AGBL4: variants seen among roughly 807,000 people sequenced by gnomAD.
The protein encoded by AGBL4 is cytosolic carboxypeptidase 6.
In AGBL4, 58 loss-of-function variants were observed where a neutral mutation model predicts 66.4. The observed-to-expected ratio is 0.87, with a 90% confidence interval of 0.71 to 1.09. The LOEUF (loss-of-function observed/expected upper bound fraction) is 1.09. Among genes scored for constraint, AGBL4 ranks in the 50% least tolerant of loss-of-function variants. The pLI, the probability that AGBL4 is intolerant of heterozygous loss-of-function variation, is 0.00. For synonymous variants in AGBL4, 234 were observed against 222.9 expected (o/e 1.05, Z -0.44); for missense variants, 579 against 631.0 (o/e 0.92, Z 0.88).
At chr1:49,904,263 C>T (rs1650052928) in intron 1 of AGBL4, among the ~76,000 whole-genome samples, 1 of 152,128 alleles carries the variant, frequency 6.6e-6, no homozygotes, top group South Asian at 2.1e-4. Flanking sequence ...GCTTATTTGG[C>T]CACCAACATC....
intron 3 of AGBL4, among the ~76,000 whole-genome samples, chr1:49,477,358 G>T (rs1646867300): frequency 6.6e-6 from 1 of 152,090 alleles, no homozygotes; most frequent in South Asian, 2.1e-4. Flanking sequence ...GATCCACGTA[G>T]CTTAGAGTGG....
intron 4 of AGBL4, among the ~76,000 whole-genome samples, chr1:49,192,599 T>C (rs1033742563): frequency 5.9e-5 from 9 of 152,220 alleles, no homozygotes; most frequent in African/African-American, 1.9e-4. Context: ...ATGCCCAGCT[T>C]ATAAGCATAT....
intron 5 of AGBL4, among the ~76,000 whole-genome samples, chr1:48,889,122 G>A (rs986153063): frequency 4.6e-5 from 7 of 152,206 alleles, no homozygotes; most frequent in African/African-American, 1.7e-4. Flanking sequence ...CAAGAAGGTA[G>A]TGCTTGGGAA....
At chr1:48,715,652 A>G (rs1484870910) in intron 6 of AGBL4, among the ~76,000 whole-genome samples, 3 of 151,930 alleles carry the variant, frequency 2.0e-5, no homozygotes, top group Non-Finnish European at 4.4e-5. Context: ...CCTCTACTCA[A>G]GAGTAATTTA....
intron 6 of AGBL4, among the ~76,000 whole-genome samples, chr1:48,683,276 G>A (rs1440949883): frequency 2.0e-5 from 3 of 152,210 alleles, no homozygotes; most frequent in Non-Finnish European, 4.4e-5. Flanking sequence ...GGCAATGTCT[G>A]AGGAACCACT....
At chr1:49,263,393 A>G (rs1183833411) in intron 3 of AGBL4, among the ~76,000 whole-genome samples, 1 of 152,120 alleles carries the variant, frequency 6.6e-6, no homozygotes, top group Admixed American at 6.6e-5. Flanking sequence ...AATCCTCACA[A>G]TGGTTTAATA....
chr1:49,271,713 C>T (rs1009005188), intron 3 of AGBL4, among the ~76,000 whole-genome samples: 3 of 152,120 alleles, frequency 2.0e-5, no homozygotes, highest in African/African-American at 7.2e-5. Flanking sequence ...TTCCTCCCTA[C>T]CCCTCCTTCT....
intron 2 of AGBL4, among the ~76,000 whole-genome samples, chr1:49,731,712 A>C (rs1356630250): frequency 6.6e-6 from 1 of 152,184 alleles, no homozygotes; most frequent in Non-Finnish European, 1.5e-5. Context: ...CATAAAGGTG[A>C]AGGGAAAAAA....
chr1:49,560,224 G>C (rs1644003807), intron 3 of AGBL4, among the ~76,000 whole-genome samples: 1 of 151,978 alleles, frequency 6.6e-6, no homozygotes, highest in Admixed American at 6.6e-5. Context: ...AGAAATCCAA[G>C]ATAACACGGA....
chr1:49,739,309 T>C (rs1014343800), intron 2 of AGBL4, among the ~76,000 whole-genome samples: 3 of 152,026 alleles, frequency 2.0e-5, no homozygotes, highest in Non-Finnish European at 2.9e-5. Context: ...GTATCAGTGA[T>C]GGAAGATCAA....
chr1:48,953,252 C>T (rs1479692601), intron 5 of AGBL4, among the ~76,000 whole-genome samples: 2 of 152,120 alleles, frequency 1.3e-5, no homozygotes, highest in Non-Finnish European at 2.9e-5. Flanking sequence ...GATGAGAAAA[C>T]CATAGTTTCT....
chr1:49,975,666 T>G (rs1167296811), intron 1 of AGBL4, among the ~76,000 whole-genome samples: 6 of 152,172 alleles, frequency 3.9e-5, no homozygotes, highest in Non-Finnish European at 7.3e-5. Context: ...AAATCGTAGC[T>G]CTAATATTTA....
intron 3 of AGBL4, among the ~76,000 whole-genome samples, chr1:49,325,729 AT>A (rs899680533): frequency 6.6e-6 from 1 of 152,214 alleles, no homozygotes; most frequent in Admixed American, 6.5e-5. Flanking sequence ...GTAATCCCCA[AT>A]GTTGCAGATG....
intron 6 of AGBL4, among the ~76,000 whole-genome samples, chr1:48,699,940 T>TTTTA (rs1646775755): frequency 6.8e-6 from 1 of 146,296 alleles, no homozygotes; most frequent in African/African-American, 2.6e-5. Context: ...TAAATATACA[T>TTTTA]TATATATATA....
At chr1:49,075,942 G>T (rs953220802) in intron 4 of AGBL4, among the ~76,000 whole-genome samples, 2 of 152,046 alleles carry the variant, frequency 1.3e-5, no homozygotes, top group African/African-American at 4.8e-5. Context: ...CTGTTGGGTA[G>T]GTACCAAGAA....
chr1:48,670,906 G>C (rs913734631), intron 6 of AGBL4, among the ~76,000 whole-genome samples: 19 of 152,242 alleles, frequency 1.2e-4, no homozygotes, highest in Non-Finnish European at 2.6e-4. Context: ...AGGCTTGTGA[G>C]AGGTACAAAT....
chr1:48,575,041 C>G (rs1008074217), intron 11 of AGBL4, among the ~76,000 whole-genome samples: 1 of 152,136 alleles, frequency 6.6e-6, no homozygotes, highest in African/African-American at 2.4e-5. Context: ...ATTAAATAAA[C>G]CCTTTGAATG....
intron 7 of AGBL4, among the ~76,000 whole-genome samples, chr1:48,655,207 T>G (rs558424564): frequency 2.0e-4 from 30 of 152,288 alleles, no homozygotes; most frequent in African/African-American, 6.7e-4. Context: ...AGGGTGGGTG[T>G]GGGGCAAGGA....
chr1:49,151,139 T>C (rs1364706114), intron 4 of AGBL4, among the ~76,000 whole-genome samples: 1 of 151,504 alleles, frequency 6.6e-6, no homozygotes, highest in Non-Finnish European at 1.5e-5. Flanking sequence ...CGTGGCAGTG[T>C]ATGCCTGTAG....
Sources: allele counts gnomAD v4.1 joint callset (sites outside exome capture counted in the v4.1 genomes callset), GRCh38; gene constraint gnomAD v4.1.1; transcripts MANE v1.5; gene names NCBI Gene and HGNC (gene_info 2026-07-23, HGNC 2026-07-21).